The following PHF21A variants were observed in gnomAD, a reference collection of about 807,000 sequenced individuals.
PHF21A encodes the protein PHD finger protein 21A, also known as BHC80a.
A neutral mutation model predicts 82.5 loss-of-function variants in PHF21A; 11 were observed. The observed-to-expected ratio is 0.13, with a 90% CI of 0.08 to 0.22. The LOEUF is 0.22. Ranked by LOEUF, PHF21A falls within the 10% of genes least tolerant of loss-of-function variation. The pLI is 1.00. For synonymous variants in PHF21A, 297 were observed against 302.8 expected (o/e 0.98, Z 0.20); for missense variants, 579 against 837.8 (o/e 0.69, Z 3.81).
At chr11:45,951,807 A>AT (rs371914854) in intron 11 of PHF21A, among the ~76,000 whole-genome samples, 99,052 of 124,312 alleles carry the variant, frequency 0.8, 38,882 homozygotes, top group East Asian at 0.95. Context: ...TGTGGAATAA[A>AT]TTTTTTTTTT....
chr11:46,060,073 C>T (rs750008821), intron 6 of PHF21A, among the ~76,000 whole-genome samples: 3 of 151,892 alleles, frequency 2.0e-5, no homozygotes, highest in Non-Finnish European at 4.4e-5. Flanking sequence ...ATTTATGGAA[C>T]AGAAAAAAAG....
chr11:46,033,097 T>C (rs1490049318), intron 6 of PHF21A, among the ~76,000 whole-genome samples: 1 of 152,216 alleles, frequency 6.6e-6, no homozygotes, highest in Non-Finnish European at 1.5e-5. Context: ...ATGTATCCTG[T>C]GACTTGTATT....
At chr11:45,985,837 C>T (rs868158628) in intron 6 of PHF21A, among the ~76,000 whole-genome samples, 11 of 152,004 alleles carry the variant, frequency 7.2e-5, no homozygotes, top group African/African-American at 2.7e-4. Context: ...AGGTCTCTTT[C>T]CTGGTTTTGA....
At chr11:46,037,640 CAAAAAAAA>C (rs1000939610) in intron 6 of PHF21A, among the ~76,000 whole-genome samples, 1 of 59,060 alleles carries the variant, frequency 1.7e-5, no homozygotes, top group Admixed American at 1.6e-4. Context: ...AACGTCATCT[CAAAAAAAA>C]AAAAAAAAAA....
chr11:46,001,693 A>G (rs1161539785), intron 6 of PHF21A, among the ~76,000 whole-genome samples: 2 of 152,208 alleles, frequency 1.3e-5, no homozygotes, highest in Non-Finnish European at 2.9e-5. Flanking sequence ...TGTGCATCAG[A>G]GTTAACTGGT....
chr11:45,945,731 G>T, intron 15 of PHF21A, 109 bp downstream of exon 15: 1 of 917,774 alleles, frequency 1.1e-6, no homozygotes, highest in Non-Finnish European at 1.6e-6. Context: ...TTTAATTGCT[G>T]TTCCAGGGTT....
At chr11:45,957,751 C>CAAAAAAAAAAAAAAAA in intron 10 of PHF21A, among the ~76,000 whole-genome samples, 330 of 60,542 alleles carry the variant, frequency 5.5e-3, no homozygotes, top group Middle Eastern at 0.013. Context: ...AAATTCAAAG[C>CAAAAAAAAAAAAAAAA]AAAAAAAAAA....
chr11:46,117,919 T>C (rs1851820049), intron 1 of PHF21A: 2 of 152,218 alleles, frequency 1.3e-5, no homozygotes, highest in South Asian at 4.1e-4. Context: ...TAAATGGACT[T>C]ACTCAAAATC....
At chr11:46,006,847 G>A (rs2095306806) in intron 6 of PHF21A, among the ~76,000 whole-genome samples, 1 of 151,946 alleles carries the variant, frequency 6.6e-6, no homozygotes, top group African/African-American at 2.4e-5. Context: ...TTCCTTCAAA[G>A]GCACAAAATA....
rs142747504 is a variant in PHF21A at position 46,083,216 on chromosome 11, C to T, written c.54+950G>A. Among the ~76,000 whole-genome samples, 328 of 151,926 alleles carry T rather than the reference C, an allele frequency of 2.2e-3. 1 individual carries two copies. Among genetic ancestry groups the T allele is most frequent in the African/African-American group, 7.4e-3 (308 of 41,434 alleles). On this transcript the variant is annotated intron_variant, in intron 4 of 18. Coordinates refer to ENST00000676320, the MANE Select transcript of PHF21A (RefSeq NM_001352027.3). ...CTTATTACCTACTTAAAGAAGCCCA[C>T]GTGCATAGGGCCAACTCTGCAGCGG...
At chr11:46,037,772 T>C (rs142142808) in intron 6 of PHF21A, among the ~76,000 whole-genome samples, 1 of 152,016 alleles carries the variant, frequency 6.6e-6, no homozygotes, top group Admixed American at 6.5e-5. Flanking sequence ...ACTTGAACAA[T>C]ACTTGAAAAT....
At chr11:46,101,057 G>C (rs866062694) in intron 1 of PHF21A, among the ~76,000 whole-genome samples, 2 of 152,234 alleles carry the variant, frequency 1.3e-5, no homozygotes, top group Admixed American at 6.5e-5. Flanking sequence ...CTTATATATT[G>C]TCCTGCTTAT....
chr11:46,013,502 G>A (rs2095452255), intron 6 of PHF21A, among the ~76,000 whole-genome samples: 1 of 152,174 alleles, frequency 6.6e-6, no homozygotes, highest in Non-Finnish European at 1.5e-5. Context: ...CACAGAAATG[G>A]AAACTGCAGG....
chr11:46,006,775 T>C (rs1039396831), intron 6 of PHF21A, among the ~76,000 whole-genome samples: 1 of 152,216 alleles, frequency 6.6e-6, no homozygotes, highest in African/African-American at 2.4e-5. Context: ...TTGCCTACAA[T>C]AAAAATGGCA....
chr11:46,038,341 T>C (rs1171677100), intron 6 of PHF21A, among the ~76,000 whole-genome samples: 2 of 152,070 alleles, frequency 1.3e-5, no homozygotes, highest in African/African-American at 4.8e-5. Context: ...TTGGCCAGGC[T>C]GGTTTTGAAC....
At chr11:45,999,665 CAAT>C (rs1467585360) in intron 6 of PHF21A, among the ~76,000 whole-genome samples, 2 of 152,184 alleles carry the variant, frequency 1.3e-5, no homozygotes, top group Non-Finnish European at 2.9e-5. Flanking sequence ...AGAACAATGT[CAAT>C]AACATGCAGA....
intron 16 of PHF21A, 70 bp from the exon 17 acceptor site, chr11:45,936,639 A>G (rs1387714980): frequency 2.0e-6 from 2 of 1,002,974 alleles, no homozygotes; most frequent in African/African-American, 1.6e-5. Flanking sequence ...AACAGCTAGC[A>G]GTGGTATCTG....
intron 13 of PHF21A, 53 bp downstream of exon 13, chr11:45,949,349 C>T (rs2091788019): frequency 6.9e-7 from 1 of 1,441,690 alleles, no homozygotes; most frequent in East Asian, 2.3e-5. Flanking sequence ...CACTGAACAG[C>T]TCATAAATAA....
At chr11:46,065,459 A>G (rs1238365085) in intron 6 of PHF21A, among the ~76,000 whole-genome samples, 1 of 152,208 alleles carries the variant, frequency 6.6e-6, no homozygotes, top group African/African-American at 2.4e-5. Flanking sequence ...CTGAAAGATG[A>G]CCAGAATGAA....
Sources: allele counts gnomAD v4.1 joint callset (sites outside exome capture counted in the v4.1 genomes callset), GRCh38; gene constraint gnomAD v4.1.1; transcripts MANE v1.5; gene names NCBI Gene and HGNC (gene_info 2026-07-23, HGNC 2026-07-21).